The following CDH9 variants were observed in gnomAD, a reference collection of about 807,000 sequenced individuals.
CDH9 encodes cadherin-9.
CDH9 carries 28 observed loss-of-function variants against 70.9 expected under a neutral mutation model. That is an observed-to-expected ratio of 0.40 (90% confidence interval 0.29 to 0.54). CDH9 has a LOEUF of 0.54. Ranked by LOEUF, CDH9 falls within the 20% of genes least tolerant of loss-of-function variation. The pLI is 0.59. For synonymous variants in CDH9, 409 were observed against 343.1 expected, an observed-to-expected ratio of 1.19 and a Z score of -2.12; for missense variants, 874 against 984.4, an observed-to-expected ratio of 0.89 and a Z score of 1.50.
At chr5:26,890,040 G>C (rs1171340404) in intron 8 of CDH9, 83 bp from the exon 9 acceptor site, 10 of 1,280,032 alleles carry the variant, frequency 7.8e-6, no homozygotes. Context: ...CTTAGCAACA[G>C]ATCCTTTTTG....
At chr5:26,942,171 G>A (rs770307341) in intron 2 of CDH9, among the ~76,000 whole-genome samples, 1 of 152,172 alleles carries the variant, frequency 6.6e-6, no homozygotes, top group Admixed American at 6.5e-5. Context: ...TCACATGGTG[G>A]CAGAAAGAAG....
At chr5:26,911,864 G>A (rs1579678912) in intron 3 of CDH9, among the ~76,000 whole-genome samples, 1 of 151,982 alleles carries the variant, frequency 6.6e-6, no homozygotes, top group East Asian at 1.9e-4. Flanking sequence ...TGGGCATTTG[G>A]CACTAAAAAT....
At chr5:26,935,549 A>G (rs899120767) in intron 2 of CDH9, among the ~76,000 whole-genome samples, 2 of 152,192 alleles carry the variant, frequency 1.3e-5, no homozygotes, top group South Asian at 4.1e-4. Flanking sequence ...TAAAACTACA[A>G]TGAGATACTA....
At chr5:26,929,089 T>C (rs1741395945) in intron 2 of CDH9, among the ~76,000 whole-genome samples, 1 of 151,944 alleles carries the variant, frequency 6.6e-6, no homozygotes, top group Admixed American at 6.6e-5. Context: ...AAACTATTCA[T>C]CTGACAAGGG....
intron 7 of CDH9, among the ~76,000 whole-genome samples, chr5:26,898,027 T>C (rs1740783363): frequency 6.6e-6 from 1 of 151,854 alleles, no homozygotes; most frequent in Admixed American, 6.6e-5. Flanking sequence ...TATACACCAA[T>C]AACAGACAAA....
At chr5:26,989,806 T>C (rs1029815664) in intron 1 of CDH9, among the ~76,000 whole-genome samples, 5 of 152,090 alleles carry the variant, frequency 3.3e-5, no homozygotes, top group African/African-American at 1.2e-4. Flanking sequence ...TAGCTTGGCT[T>C]TGTGCCCTAC....
intron 7 of CDH9, among the ~76,000 whole-genome samples, chr5:26,897,614 A>C (rs1415251883): frequency 6.6e-6 from 1 of 152,188 alleles, no homozygotes; most frequent in Non-Finnish European, 1.5e-5. Flanking sequence ...AATAAACTTC[A>C]ACACCCTTTC....
At chr5:27,018,020 T>C (rs548779223) in intron 1 of CDH9, among the ~76,000 whole-genome samples, 1 of 152,050 alleles carries the variant, frequency 6.6e-6, no homozygotes, top group Non-Finnish European at 1.5e-5. Flanking sequence ...TTTTTTTCTA[T>C]TCAGCATAGT....
chr5:26,995,379 G>C (rs549483870), intron 1 of CDH9, among the ~76,000 whole-genome samples: 1 of 152,142 alleles, frequency 6.6e-6, no homozygotes, highest in Non-Finnish European at 1.5e-5. Context: ...CCTAACAAAT[G>C]GGATAAAATC....
chr5:26,982,095 G>A (rs13153986), intron 2 of CDH9, among the ~76,000 whole-genome samples: 9,788 of 151,520 alleles, frequency 0.065, 533 homozygotes, highest in East Asian at 0.3. Context: ...AGGTGGATTC[G>A]ATCATCTGCA....
chr5:26,904,765 T>A (rs1319826073), intron 5 of CDH9, among the ~76,000 whole-genome samples: 1 of 152,088 alleles, frequency 6.6e-6, no homozygotes, highest in Non-Finnish European at 1.5e-5. Flanking sequence ...AACTTTGATG[T>A]CTGCGTCTAA....
At chr5:26,953,348 A>G (rs1389187089) in intron 2 of CDH9, among the ~76,000 whole-genome samples, 1 of 152,218 alleles carries the variant, frequency 6.6e-6, no homozygotes, top group African/African-American at 2.4e-5. Context: ...GCACTTGTAC[A>G]CTACAATTGT....
intron 1 of CDH9, among the ~76,000 whole-genome samples, chr5:26,992,702 G>A (rs1380480750): frequency 6.6e-6 from 1 of 152,172 alleles, no homozygotes; most frequent in African/African-American, 2.4e-5. Flanking sequence ...CGCATGCTAG[G>A]AAAAGGACTG....
At chr5:26,912,205 T>C (rs1741066173) in intron 3 of CDH9, among the ~76,000 whole-genome samples, 1 of 152,088 alleles carries the variant, frequency 6.6e-6, no homozygotes, top group Admixed American at 6.6e-5. Context: ...TATTTATAGA[T>C]GTATTCTTAA....
At chr5:26,884,906 A>T (rs1484014001) in intron 11 of CDH9, among the ~76,000 whole-genome samples, 1 of 152,202 alleles carries the variant, frequency 6.6e-6, no homozygotes, top group East Asian at 1.9e-4. Flanking sequence ...CTGTTGGAAC[A>T]TGACTTTATT....
At chr5:26,903,300 CACTT>C (rs1254211954) in intron 6 of CDH9, 3 of 370,268 alleles carry the variant, frequency 8.1e-6, no homozygotes, top group African/African-American at 6.4e-5. Flanking sequence ...TATATCATCA[CACTT>C]ACAATGAAAA....
intron 2 of CDH9, among the ~76,000 whole-genome samples, chr5:26,945,529 G>C (rs181157925): frequency 1.3e-5 from 2 of 151,996 alleles, no homozygotes; most frequent in South Asian, 4.1e-4. Context: ...AATTGCAATA[G>C]TTATTTTATT....
At chr5:26,916,042 G>T (rs1741143287) in intron 2 of CDH9, 118 bp from the exon 3 acceptor site, 1 of 632,206 alleles carries the variant, frequency 1.6e-6, no homozygotes, top group Non-Finnish European at 2.6e-6. Context: ...TATCTTAATG[G>T]TTATCTTGAC....
intron 1 of CDH9, among the ~76,000 whole-genome samples, chr5:26,990,142 A>G (rs576441427): frequency 3.3e-5 from 5 of 152,260 alleles, no homozygotes; most frequent in African/African-American, 1.2e-4. Flanking sequence ...TATCATCATG[A>G]TCATCACAAC....
Sources: gnomAD v4.1 joint callset for allele counts (sites outside exome capture counted in the v4.1 genomes callset) on GRCh38, gnomAD v4.1.1 for gene constraint, MANE v1.5 for transcripts, NCBI Gene and HGNC (gene_info 2026-07-23, HGNC 2026-07-21) for gene names.